The following IGF2 variants were observed in gnomAD, a reference collection of about 807,000 sequenced individuals.
IGF2 encodes insulin like growth factor 2, also known as insulin-like growth factor 2.
In IGF2, 2 loss-of-function variants were observed where a neutral mutation model predicts 12.0. That is an observed-to-expected ratio of 0.17 (90% CI 0.07 to 0.52). The LOEUF (loss-of-function observed/expected upper bound fraction) is 0.52, where lower values mean the gene tolerates loss of function less well. Among genes scored for constraint, IGF2 ranks in the 20% least tolerant of loss-of-function variants. The pLI is 0.95. For synonymous variants in IGF2, 105 were observed against 110.1 expected (o/e 0.95, Z 0.29); for missense variants, 211 against 268.0 (o/e 0.79, Z 1.48).
In IGF2 at chr11:2,131,182, C is replaced by T. The variant is rs1227259236; in HGVS notation, c.*1805G>A. 1 of 233,194 alleles carries T rather than the reference C, an allele frequency of 4.3e-6. No individual in the cohort carries two copies. Among genetic ancestry groups the T allele is most frequent in the Non-Finnish European group, 8.5e-6 (1 of 118,086 alleles). 14.4% of individuals were successfully genotyped at this position (233,194 alleles called of 1,614,324 possible). A position where few individuals can be genotyped will look rare whatever the true frequency, so the allele number is the denominator to read the frequency against. Reference sequence around the variant, plus strand: ...GAAAGATGGAATTAGGCCTGGGACACACCCCGCCCACCCTACGGGTGTATC... The same window carrying T: ...GAAAGATGGAATTAGGCCTGGGACATACCCCGCCCACCCTACGGGTGTATC... On this transcript the variant is annotated 3_prime_UTR_variant, in exon 4 of 4. Coordinates refer to ENST00000416167, the MANE Select transcript of IGF2 (RefSeq NM_000612.6).
rs560032834 is a variant in IGF2 at position 2,129,572 on chromosome 11, C to T, written c.*3415G>A. The T allele has an allele frequency of 3.5e-5, 8 of 228,520 alleles. No homozygotes were observed. The highest frequency in any genetic ancestry group is 1.3e-3 in the Middle Eastern group (1 of 750). 14.2% of individuals were successfully genotyped at this position (228,520 alleles called of 1,614,324 possible). On this transcript the variant is annotated 3_prime_UTR_variant, in exon 4 of 4. Coordinates refer to ENST00000416167, the MANE Select transcript of IGF2 (RefSeq NM_000612.6). This position sits in a 1 kb window ranked among gnomAD's most constrained non-coding sequence, Gnocchi z 8.1. ...GCAGGTAATTTGGGGTGCCTCGAAG[C>T]GTTTTGGATCTCAGGCCAATGTGGG...
chr11:2,138,784 CG>C lies in IGF2; in HGVS notation c.-563del. 7 of 926,722 alleles carry C rather than the reference CG, an allele frequency of 7.6e-6. No individual in the cohort carries two copies. Among genetic ancestry groups the C allele is most frequent in the Non-Finnish European group, 8.8e-6 (7 of 793,226 alleles). 57.4% of individuals were successfully genotyped at this position (926,722 alleles called of 1,614,324 possible). A position where few individuals can be genotyped will look rare whatever the true frequency, so the allele number is the denominator to read the frequency against. ...AGGTTGCGGGAGAAAGAGCGGGGGCCGGGGCCAGACGCCAAGAGGGGCGCGG... is the reference window on the plus strand; with the variant it reads ...AGGTTGCGGGAGAAAGAGCGGGGGCCGGGCCAGACGCCAAGAGGGGCGCGG... On this transcript the variant is annotated 5_prime_UTR_variant, in exon 1 of 4. Transcript: ENST00000416167.
At position 2,131,914 on chromosome 11, in the gene IGF2, CTG is replaced by C. The variant is rs1354737712; in HGVS notation, c.*1071_*1072del. On this transcript the variant is annotated 3_prime_UTR_variant, in exon 4 of 4. Coordinates refer to ENST00000416167, the MANE Select transcript of IGF2 (RefSeq NM_000612.6). ...TGTGTGCTGTGCGTTTGTGTGTGTG[CTG>C]TGTGTGCATGTGTGTGCGTGTGTGT... is the stretch of plus-strand genomic sequence containing the variant. 1.5e-4 allele frequency: 20 copies of C among 132,330 alleles called. No homozygotes were observed. The highest frequency in any genetic ancestry group is 4.5e-3 in the Middle Eastern group (1 of 222). The allele number at this position is 132,330 out of a possible 1,614,324, so 8.2% of individuals were successfully genotyped here. A position where few individuals can be genotyped will look rare whatever the true frequency, so the allele number is the denominator to read the frequency against.
rs201879085 is a variant in IGF2, at chr11:2,131,530, AGT to A, written c.*1455_*1456del. On this transcript the variant is annotated 3_prime_UTR_variant, in exon 4 of 4. Coordinates refer to ENST00000416167, the MANE Select transcript of IGF2 (RefSeq NM_000612.6). ...TGTGTTCATGTATGTGCTGCGCATG[AGT>A]GTGTGTGCTGTGTGTGCATGTGTGT... The A allele has an allele frequency of 2.7e-5, 6 of 223,966 alleles. No individual in the cohort carries two copies. Among genetic ancestry groups the A allele is most frequent in the Non-Finnish European group, 4.3e-5 (5 of 115,450 alleles). The allele number at this position is 223,966 out of a possible 1,614,324, so 13.9% of individuals were successfully genotyped here. A position where few individuals can be genotyped will look rare whatever the true frequency, so the allele number is the denominator to read the frequency against.
chr11:2,133,696 G>T lies in IGF2; in HGVS notation c.158-31C>A. The T allele has an allele frequency of 6.2e-7, 1 of 1,611,176 alleles. No individual in the cohort carries two copies. The highest frequency in any genetic ancestry group is 8.5e-7 in the Non-Finnish European group (1 of 1,179,342). ...AGTCCCACAGCACAGAGAGAGCCGT[G>T]TTAGCACCGCACTGACCCCAGCCCC... On this transcript the variant is annotated intron_variant, in intron 2 of 3. Coordinates refer to ENST00000416167, the MANE Select transcript of IGF2 (RefSeq NM_000612.6). This position sits in a 1 kb window ranked among gnomAD's most constrained non-coding sequence, Gnocchi z 8.9.
At chr11:2,136,048 G>T (rs115057681) in intron 1 of IGF2, among the ~76,000 whole-genome samples, 314 of 152,242 alleles carry the variant, frequency 2.1e-3, no homozygotes, top group Non-Finnish European at 3.5e-3. Context: ...GAGCAGGGGG[G>T]GTCCAGGAGG....
chr11:2,142,563 G>A (rs1192874178), upstream of IGF2, among the ~76,000 whole-genome samples: 1 of 152,190 alleles, frequency 6.6e-6, no homozygotes, highest in East Asian at 1.9e-4. The surrounding 1 kb of genome is among the most constrained non-coding windows in gnomAD (Gnocchi z 5.7). Context: ...TGTTCCTAGA[G>A]GGCCTGGAGG....
rs1478694354 is a variant in IGF2 at position 2,130,763 on chromosome 11, C to T, written c.*2224G>A. On this transcript the variant is annotated 3_prime_UTR_variant, in exon 4 of 4. Coordinates refer to ENST00000416167, the MANE Select transcript of IGF2 (RefSeq NM_000612.6). ...CCACTTCCTACCCCAGAACTCCCCCCGCCCAGCCCCCACTGCCCCCCACCC... is the reference window on the plus strand; with the variant it reads ...CCACTTCCTACCCCAGAACTCCCCCTGCCCAGCCCCCACTGCCCCCCACCC... 2 of 176,262 alleles carry T rather than the reference C, an allele frequency of 1.1e-5. No individual in the cohort carries two copies. The highest frequency in any genetic ancestry group is 2.4e-5 in the Non-Finnish European group (2 of 84,928). The allele number at this position is 176,262 out of a possible 1,614,324, so 10.9% of individuals were successfully genotyped here.
Position 2,133,510 on chromosome 11 carries a change from C to A in IGF2, c.306+7G>T. ...TAGAGAGTGGGAAAGGGGCCCAGGA[C>A]CCTCACCGGAAGCACGGTCGGAGGG... is the stretch of plus-strand genomic sequence containing the variant. On this transcript the variant is annotated splice_region_variant and intron_variant, in intron 3 of 3. Transcript: ENST00000416167. The surrounding 1 kb of genome is among the most constrained non-coding windows in gnomAD (Gnocchi z 8.9). 2 of 1,609,490 alleles carry A rather than the reference C, an allele frequency of 1.2e-6. No individual in the cohort carries two copies. The highest frequency in any genetic ancestry group is 1.7e-6 in the Non-Finnish European group (2 of 1,178,126).
At position 2,133,335 on chromosome 11, in the gene IGF2, T is replaced by C; in HGVS notation, c.307-112A>G. The C allele has an allele frequency of 9.9e-7, 1 of 1,009,092 alleles. No individual in the cohort carries two copies. The highest frequency in any genetic ancestry group is 1.4e-6 in the Non-Finnish European group (1 of 696,944). 62.5% of individuals were successfully genotyped at this position (1,009,092 alleles called of 1,614,324 possible). The stretch of plus-strand genomic sequence containing the variant: ...GTGACTGATCAGTGACTTGAGCTAA[T>C]GTCCACGGGCAGAGGGACAGAAGGA... On this transcript the variant is annotated intron_variant, in intron 3 of 3. Transcript: ENST00000416167. The surrounding 1 kb of genome is among the most constrained non-coding windows in gnomAD (Gnocchi z 8.9).
In IGF2 at chr11:2,129,867, C is replaced by T. The variant is rs1259504322; in HGVS notation, c.*3120G>A. On this transcript the variant is annotated 3_prime_UTR_variant, in exon 4 of 4. Coordinates refer to ENST00000416167, the MANE Select transcript of IGF2 (RefSeq NM_000612.6). The surrounding 1 kb of genome is among the most constrained non-coding windows in gnomAD (Gnocchi z 8.1). ...GTCCCTGCCGCAGCCCTAGGCGCCG[C>T]GGTGGTGGCTGCTATGGCATCACCA... is the stretch of plus-strand genomic sequence containing the variant. 8.6e-6 allele frequency: 2 copies of T among 232,046 alleles called. No individual in the cohort carries two copies. The highest frequency in any genetic ancestry group is 2.2e-5 in the African/African-American group (1 of 45,256). The allele number at this position is 232,046 out of a possible 1,614,324, so 14.4% of individuals were successfully genotyped here. A position where few individuals can be genotyped will look rare whatever the true frequency, so the allele number is the denominator to read the frequency against.
upstream of IGF2, among the ~76,000 whole-genome samples, chr11:2,142,725 T>C (rs1859676061): frequency 6.6e-6 from 1 of 152,212 alleles, no homozygotes. This position sits in a 1 kb window ranked among gnomAD's most constrained non-coding sequence, Gnocchi z 5.7. Flanking sequence ...ATAGTCAATA[T>C]GTTGTGATGC....
chr11:2,135,477 A>C lies in IGF2; in HGVS notation c.47T>G (p.Leu16Trp), dbSNP rs1240151267. 4 of 1,613,802 alleles carry C rather than the reference A, an allele frequency of 2.5e-6. No individual in the cohort carries two copies. In the South Asian group the frequency reaches 4.4e-5, roughly 18 times the overall value. ...GKSMLVLLTF[L>W]AFASCCIAAY... is the part of the protein sequence containing the mutation. ...AGCAATGCAGCACGAGGCGAAGGCC[A>C]AGAAGGTGAGAAGCACCAGCATCGA... Residue 16 changes from leucine to tryptophan, a missense_variant, in exon 2 of 4, where the codon TTG (leucine) becomes TGG (tryptophan). Physicochemically the swap from Leu to Trp is moderately conservative, Grantham distance 61 (BLOSUM62 -2). Coordinates refer to ENST00000416167, the MANE Select transcript of IGF2 (RefSeq NM_000612.6).
At chr11:2,141,698 G>A (rs1297596116), upstream of IGF2, among the ~76,000 whole-genome samples, 2 of 152,182 alleles carry the variant, frequency 1.3e-5, no homozygotes, top group Non-Finnish European at 2.9e-5. Flanking sequence ...GCTGGCAGCA[G>A]CCGGGGAAAA....
Position 2,132,821 on chromosome 11 carries a change from G to A in IGF2, c.*166C>T. 1 of 582,634 alleles carries A rather than the reference G, an allele frequency of 1.7e-6. No homozygotes were observed. The highest frequency in any genetic ancestry group is 2.5e-5 in the South Asian group (1 of 40,010). 36.1% of individuals were successfully genotyped at this position (582,634 alleles called of 1,614,324 possible). A position where few individuals can be genotyped will look rare whatever the true frequency, so the allele number is the denominator to read the frequency against. On this transcript the variant is annotated 3_prime_UTR_variant, in exon 4 of 4. Coordinates refer to ENST00000416167, the MANE Select transcript of IGF2 (RefSeq NM_000612.6). ...CCTCAGCCCGATGGAGGGGGCCGAG[G>A]AGAGTAGCCTGTTTCGGGGAGGCGG...
chr11:2,144,083 C>T (rs1859762118), upstream of IGF2, among the ~76,000 whole-genome samples: 1 of 49,688 alleles, frequency 2.0e-5, no homozygotes, highest in South Asian at 1.7e-3. Context: ...CTTCCTTTTG[C>T]TTTTATTTTT....
the IGF2 span, chr11:2,147,395 C>T: frequency 2.8e-5 from 11 of 397,030 alleles, no homozygotes; most frequent in East Asian, 1.8e-4. The surrounding 1 kb of genome is among the most constrained non-coding windows in gnomAD (Gnocchi z 7.2). Context: ...GGCCCCTAGA[C>T]GGAAGCACCT....
chr11:2,138,816 A>T lies in IGF2; in HGVS notation c.-594T>A. The T allele has an allele frequency of 1.1e-6, 1 of 937,084 alleles. No individual in the cohort carries two copies. The highest frequency in any genetic ancestry group is 5.0e-5 in the South Asian group (1 of 20,122). The allele number at this position is 937,084 out of a possible 1,614,324, so 58.0% of individuals were successfully genotyped here. A position where few individuals can be genotyped will look rare whatever the true frequency, so the allele number is the denominator to read the frequency against. On this transcript the variant is annotated 5_prime_UTR_variant, in exon 1 of 4. Coordinates refer to ENST00000416167, the MANE Select transcript of IGF2 (RefSeq NM_000612.6). ...AGACGCCAAGAGGGGCGCGGGGAGC[A>T]CAGAGAAGCGGAGGGAAGGGCGCCA...
chr11:2,133,287 G>A lies in IGF2; in HGVS notation c.307-64C>T, dbSNP rs994118712. 9 of 1,229,138 alleles carry A rather than the reference G, an allele frequency of 7.3e-6. No individual in the cohort carries two copies. Among genetic ancestry groups the A allele is most frequent in the African/African-American group, 1.5e-5 (1 of 65,832 alleles). The allele number at this position is 1,229,138 out of a possible 1,614,324, so 76.1% of individuals were successfully genotyped here. The stretch of plus-strand genomic sequence containing the variant: ...CCACGCTCTTCCGCCTGAGCCGCCC[G>A]CCTGACCTGACAGGCCACCCCTGTG... On this transcript the variant is annotated intron_variant, in intron 3 of 3. Transcript: ENST00000416167. The surrounding 1 kb of genome is among the most constrained non-coding windows in gnomAD (Gnocchi z 8.9).
Sources: gnomAD v4.1 joint callset for allele counts (sites outside exome capture counted in the v4.1 genomes callset) on GRCh38, gnomAD v4.1.1 for gene constraint, Gnocchi (gnomAD v3.1) non-coding constraint, MANE v1.5 for transcripts, NCBI Gene and HGNC (gene_info 2026-07-23, HGNC 2026-07-21) for gene names.